The following PVT1 variants were observed in gnomAD, a reference collection of about 807,000 sequenced individuals.
PVT1 encodes the protein Pvt1 oncogene, also known as CXCR4/PVT1 fusion.
At chr8:128,080,217 G>A (rs1814159095) in intron 5 of PVT1, among the ~76,000 whole-genome samples, 1 of 152,196 alleles carries the variant, frequency 6.6e-6, no homozygotes, top group African/African-American at 2.4e-5. Flanking sequence ...AGGTTTTTGT[G>A]TGGATGTAAG....
At chr8:127,915,142 A>C (rs2129853879) in intron 3 of PVT1, among the ~76,000 whole-genome samples, 1 of 151,960 alleles carries the variant, frequency 6.6e-6, no homozygotes, top group Non-Finnish European at 1.5e-5. Flanking sequence ...ACAAAGTTTT[A>C]TTTGAGGGTG....
At chr8:127,887,765 G>C (rs578118757) in intron 2 of PVT1, among the ~76,000 whole-genome samples, 1 of 151,594 alleles carries the variant, frequency 6.6e-6, no homozygotes, top group African/African-American at 2.4e-5. Flanking sequence ...GACTTCAGGC[G>C]ATCCACCCAT....
At chr8:127,953,006 C>T (rs1256047811) in intron 3 of PVT1, among the ~76,000 whole-genome samples, 1 of 152,100 alleles carries the variant, frequency 6.6e-6, no homozygotes, top group African/African-American at 2.4e-5. Context: ...CCTCGTGATC[C>T]GCCCGCCTTG....
chr8:127,992,536 C>A (rs1034070891), intron 4 of PVT1, among the ~76,000 whole-genome samples: 3 of 152,176 alleles, frequency 2.0e-5, no homozygotes, highest in African/African-American at 7.2e-5. Context: ...ACACACCCAG[C>A]CAGACTTCAA....
At chr8:128,089,733 C>G (rs1271487049) in intron 5 of PVT1, among the ~76,000 whole-genome samples, 4 of 152,184 alleles carry the variant, frequency 2.6e-5, no homozygotes, top group Non-Finnish European at 5.9e-5. Context: ...TTGTTTCTCC[C>G]TCTCTCTTTC....
intron 4 of PVT1, among the ~76,000 whole-genome samples, chr8:128,004,398 T>C (rs1042024757): frequency 6.6e-6 from 1 of 152,164 alleles, no homozygotes; most frequent in African/African-American, 2.4e-5. Context: ...TTCTTCACCT[T>C]TCTCTACATT....
rs577658701 is a variant in PVT1, at chr8:127,821,548, C to T, written n.372+25477C>T. On this transcript the variant is annotated intron_variant and non_coding_transcript_variant, in intron 2 of 10. Coordinates refer to ENST00000651587, the Ensembl canonical transcript of PVT1. Reference sequence around the variant, plus strand: ...AATTACTGCCGGGTGCGGTGGCTCACGCCTGTAATCCCAGCACTTTGGGAG... The same window carrying T: ...AATTACTGCCGGGTGCGGTGGCTCATGCCTGTAATCCCAGCACTTTGGGAG... Among the ~76,000 whole-genome samples, 116 of 152,198 alleles carry T rather than the reference C, an allele frequency of 7.6e-4. 1 individual carries two copies. The highest frequency in any genetic ancestry group is 3.4e-3 in the Middle Eastern group (1 of 294).
intron 3 of PVT1, among the ~76,000 whole-genome samples, chr8:127,985,029 CCTTCCTTTCCTT>C (rs1816947186): frequency 7.4e-6 from 1 of 135,708 alleles, no homozygotes; most frequent in Non-Finnish European, 1.6e-5. Context: ...TTCCTTCCTT[CCTTCCTTTCCTT>C]CTTTTTTTTT....
At chr8:127,984,517 C>T (rs1269336313) in intron 3 of PVT1, among the ~76,000 whole-genome samples, 3 of 152,180 alleles carry the variant, frequency 2.0e-5, no homozygotes, top group Non-Finnish European at 1.5e-5. Context: ...TATCAAGCAC[C>T]CACTCTGAGC....
intron 3 of PVT1, among the ~76,000 whole-genome samples, chr8:127,945,575 A>G (rs533589085): frequency 3.3e-5 from 5 of 152,226 alleles, no homozygotes; most frequent in Non-Finnish European, 1.5e-5. Flanking sequence ...CAAAGGCAGC[A>G]TGAATCCTCA....
chr8:127,948,116 C>T, intron 3 of PVT1: 1 of 371,770 alleles, frequency 2.7e-6, no homozygotes, highest in Non-Finnish European at 5.2e-6. Flanking sequence ...TGACCCAAGG[C>T]CATAGTAAGT....
chr8:127,954,328 C>T (rs1410574892), intron 3 of PVT1, among the ~76,000 whole-genome samples: 1 of 139,650 alleles, frequency 7.2e-6, no homozygotes, highest in African/African-American at 2.7e-5. Flanking sequence ...GACAGTCTCA[C>T]TCTGTCACCA....
At position 127,953,358 on chromosome 8, in the gene PVT1, G is replaced by C. The variant is rs1038482649; in HGVS notation, n.783-35804G>C. Reference sequence around the variant, plus strand: ...ATAGATCTTGATGTTGGAGATATCAGCCTGTAGATTGCCTGAGAACCTGAC... The same window carrying C: ...ATAGATCTTGATGTTGGAGATATCACCCTGTAGATTGCCTGAGAACCTGAC... On this transcript the variant is annotated intron_variant and non_coding_transcript_variant, in intron 3 of 10. Transcript: ENST00000651587. Among the ~76,000 whole-genome samples the C allele has an allele frequency of 2.6e-5, 4 of 152,278 alleles. No homozygotes were observed. The East Asian group carries it at 7.7e-4, about 29-fold the overall frequency.
At chr8:127,854,575 C>T (rs1356924387) in intron 2 of PVT1, among the ~76,000 whole-genome samples, 5 of 152,196 alleles carry the variant, frequency 3.3e-5, no homozygotes, top group African/African-American at 1.2e-4. Context: ...GGATGCCAGG[C>T]ATTCAGAGAT....
chr8:127,932,471 G>A (rs981538718), intron 3 of PVT1: 21 of 398,534 alleles, frequency 5.3e-5, no homozygotes, highest in East Asian at 2.1e-4. Context: ...GCAGGACTTC[G>A]CAGGTGAGCA....
intron 2 of PVT1, among the ~76,000 whole-genome samples, chr8:127,800,352 G>T (rs530994005): frequency 1.3e-5 from 2 of 152,302 alleles, no homozygotes; most frequent in Non-Finnish European, 2.9e-5. Context: ...CTGCCCTCCT[G>T]AAGCTTCTGT....
At chr8:127,859,871 T>C (rs1348373857) in intron 2 of PVT1, among the ~76,000 whole-genome samples, 3 of 151,754 alleles carry the variant, frequency 2.0e-5, no homozygotes, top group Non-Finnish European at 4.4e-5. Flanking sequence ...CGTCATTTGT[T>C]TCTTTGTCTC....
At chr8:127,859,961 T>C (rs1312584523) in intron 2 of PVT1, among the ~76,000 whole-genome samples, 1 of 152,134 alleles carries the variant, frequency 6.6e-6, no homozygotes, top group Non-Finnish European at 1.5e-5. Context: ...CATCTCCACC[T>C]GGGTGTGGTG....
intron 4 of PVT1, chr8:128,008,999 G>A: frequency 2.0e-6 from 1 of 501,922 alleles, no homozygotes; most frequent in Non-Finnish European, 4.2e-6. Context: ...CTATTCCCAG[G>A]CAGTATAAAT....
Sources: gnomAD v4.1 joint callset for allele counts (sites outside exome capture counted in the v4.1 genomes callset) on GRCh38, gnomAD v4.1.1 for gene constraint, MANE v1.5 for transcripts, NCBI Gene and HGNC (gene_info 2026-07-23, HGNC 2026-07-21) for gene names.